HGSNAT: variants seen among roughly 807,000 people sequenced by gnomAD.
HGSNAT encodes the protein transmembrane protein 76.
HGSNAT carries 59 observed loss-of-function variants against 85.2 expected under a neutral mutation model. The ratio of observed to expected loss-of-function variants is 0.69; its 90% confidence interval spans 0.56 to 0.86. The LOEUF is 0.86. HGSNAT is among the 40% of genes least tolerant of loss of function. The pLI, the probability that HGSNAT is intolerant of heterozygous loss-of-function variation, is 0.00. For synonymous variants in HGSNAT, 321 were observed against 304.5 expected (o/e 1.05, Z -0.56); for missense variants, 756 against 777.1 (o/e 0.97, Z 0.32).
chr8:43,195,480 TAGGAGGAGGAGAAGGAAGAGG>T lies in HGSNAT; in HGVS notation c.1465-1456_1465-1436del, dbSNP rs1447118256. 2.8e-5 allele frequency among the ~76,000 whole-genome samples: 4 copies of T among 144,822 alleles called. No individual in the cohort carries two copies. In the East Asian group the frequency reaches 6.2e-4, roughly 22 times the overall value. On this transcript the variant is annotated intron_variant, in intron 14 of 17. Coordinates refer to ENST00000379644, the MANE Select transcript of HGSNAT (RefSeq NM_152419.3). ...TCATCTTCATGTTGAGTATGAGTAG[TAGGAGGAGGAGAAGGAAGAGG>T]AGGAGGAGGAGGAGGAAGAAGAGGA...
chr8:43,152,754 A>G (rs1043628553), intron 2 of HGSNAT, among the ~76,000 whole-genome samples: 1 of 152,104 alleles, frequency 6.6e-6, no homozygotes, highest in Non-Finnish European at 1.5e-5. Context: ...ACAGATCTGG[A>G]TGAAAATGAT....
Position 43,140,583 on chromosome 8 carries a change from G to T in HGSNAT, c.87G>T (p.Ser29=). Residue 29 remains serine (S), a synonymous_variant, in exon 1 of 18, where the codon TCG becomes TCT. Coordinates refer to ENST00000379644, the MANE Select transcript of HGSNAT (RefSeq NM_152419.3). ...CGCTGCTGGCCCCCGGCGGCTCTTC[G>T]GGGCGCGATGCCCAGGCCGCGCCGC... ...SAALLAPGGS[S]GRDAQAAPPR... 2 of 1,232,120 alleles carry T rather than the reference G, an allele frequency of 1.6e-6. No individual in the cohort carries two copies. Among genetic ancestry groups the T allele is most frequent in the Non-Finnish European group, 2.0e-6 (2 of 979,790 alleles). The allele number at this position is 1,232,120 out of a possible 1,614,324, so 76.3% of individuals were successfully genotyped here. A position where few individuals can be genotyped will look rare whatever the true frequency, so the allele number is the denominator to read the frequency against.
chr8:43,173,315 T>C, intron 8 of HGSNAT, among the ~76,000 whole-genome samples: 1 of 144,646 alleles, frequency 6.9e-6, no homozygotes, highest in Non-Finnish European at 1.5e-5. Context: ...TTTCTTTTTC[T>C]TTTTTTTTTT....
intron 2 of HGSNAT, among the ~76,000 whole-genome samples, chr8:43,156,071 C>A (rs571160859): frequency 4.9e-4 from 75 of 152,188 alleles, no homozygotes; most frequent in Non-Finnish European, 8.7e-4. Context: ...AATTCCTGAC[C>A]TCAGGTGATC....
At chr8:43,154,770 G>A (rs534454242) in intron 2 of HGSNAT, among the ~76,000 whole-genome samples, 6 of 152,258 alleles carry the variant, frequency 3.9e-5, no homozygotes, top group East Asian at 1.9e-4. Flanking sequence ...TCGCCACACC[G>A]ACTTCCACAG....
intron 11 of HGSNAT, 64 bp from the exon 12 acceptor site, chr8:43,191,408 CAT>C (rs1379431236): frequency 6.4e-7 from 1 of 1,565,186 alleles, no homozygotes; most frequent in Non-Finnish European, 8.7e-7. Flanking sequence ...TTCCTAAAGA[CAT>C]GTGCTTAGTT....
At chr8:43,194,548 A>C in intron 14 of HGSNAT, 3 of 980,518 alleles carry the variant, frequency 3.1e-6, no homozygotes, top group Non-Finnish European at 3.6e-6. Flanking sequence ...GAGACTGGGT[A>C]ATTCATAAAG....
At chr8:43,151,592 A>T (rs1418540405) in intron 2 of HGSNAT, among the ~76,000 whole-genome samples, 3 of 152,252 alleles carry the variant, frequency 2.0e-5, no homozygotes, top group Non-Finnish European at 4.4e-5. Context: ...ATAAATTAAA[A>T]AAAGCAGGGA....
chr8:43,153,297 A>C (rs1802977675), intron 2 of HGSNAT, among the ~76,000 whole-genome samples: 1 of 152,238 alleles, frequency 6.6e-6, no homozygotes, highest in Non-Finnish European at 1.5e-5. Context: ...AAGAGGATTC[A>C]AGTTAAAAAG....
At chr8:43,170,764 C>A in intron 7 of HGSNAT, 70 bp downstream of exon 7, 1 of 932,650 alleles carries the variant, frequency 1.1e-6, no homozygotes. Flanking sequence ...CATACACACA[C>A]TTTTAGCTTT....
At chr8:43,140,697 C>G (rs1802491518) in intron 1 of HGSNAT, 83 bp downstream of exon 1, 4 of 629,674 alleles carry the variant, frequency 6.4e-6, no homozygotes, top group African/African-American at 6.0e-5. Flanking sequence ...TCTCCGTGCG[C>G]GGCGCCGAGC....
In HGSNAT at chr8:43,192,416, C is replaced by T. The variant is rs1162703363; in HGVS notation, c.1363C>T (p.His455Tyr). 6.2e-7 allele frequency: 1 copy of T among 1,611,050 alleles called. No homozygotes were observed. The highest frequency in any genetic ancestry group is 1.1e-5 in the South Asian group (1 of 90,540). Residue 455 changes from histidine to tyrosine, a missense_variant, in exon 13 of 18, where the codon CAC becomes TAC. Physicochemically the swap from His to Tyr is moderately conservative, Grantham distance 83. Coordinates refer to ENST00000379644, the MANE Select transcript of HGSNAT (RefSeq NM_152419.3). ...LLLGDDHLYQ[H>Y]PSSAVLYHTE... ...GCTGGGAGACGATCACCTTTACCAG[C>T]ACCCATCTTCTGCTGTGAGTGAGAC...
intron 2 of HGSNAT, among the ~76,000 whole-genome samples, chr8:43,155,477 G>A (rs1363290040): frequency 6.6e-6 from 1 of 151,874 alleles, no homozygotes; most frequent in African/African-American, 2.4e-5. Context: ...TTGCTATTGA[G>A]GTGTTTGAGT....
chr8:43,154,030 C>G (rs1803007510), intron 2 of HGSNAT, among the ~76,000 whole-genome samples: 1 of 151,752 alleles, frequency 6.6e-6, no homozygotes, highest in Non-Finnish European at 1.5e-5. Context: ...ATCTCTTTGA[C>G]AAACTGATTT....
intron 2 of HGSNAT, among the ~76,000 whole-genome samples, chr8:43,149,945 G>T (rs964441352): frequency 9.9e-5 from 15 of 151,516 alleles, no homozygotes; most frequent in Non-Finnish European, 1.5e-4. Flanking sequence ...AAAGTAGAAA[G>T]ACCTTTTATT....
chr8:43,141,659 A>G (rs1362682046), intron 1 of HGSNAT, among the ~76,000 whole-genome samples: 1 of 151,740 alleles, frequency 6.6e-6, no homozygotes, highest in Non-Finnish European at 1.5e-5. Context: ...ATGGAGTTCA[A>G]ACGACCCCTC....
At position 43,145,459 on chromosome 8, in the gene HGSNAT, A is replaced by G. The variant is rs192410973; in HGVS notation, c.119-1489A>G. ...AGGGTAAAGTAAGATAAACTTAAAA[A>G]TGAGGGATTGAGGCCCGGCACAGTG... is the stretch of plus-strand genomic sequence containing the variant. On this transcript the variant is annotated intron_variant, in intron 1 of 17. Transcript: ENST00000379644. Among the ~76,000 whole-genome samples the G allele has an allele frequency of 2.0e-5, 3 of 152,298 alleles. No homozygotes were observed. The East Asian group carries it at 5.8e-4, about 29-fold the overall frequency.
chr8:43,151,721 G>GA (rs1433337286), intron 2 of HGSNAT, among the ~76,000 whole-genome samples: 1 of 151,986 alleles, frequency 6.6e-6, no homozygotes, highest in Non-Finnish European at 1.5e-5. Flanking sequence ...CAATTCCTAT[G>GA]AAAAAAATGC....
chr8:43,148,650 C>G (rs898751754), intron 2 of HGSNAT, among the ~76,000 whole-genome samples: 1 of 151,168 alleles, frequency 6.6e-6, no homozygotes, highest in African/African-American at 2.4e-5. Flanking sequence ...ATTACCCGGG[C>G]ATGGTAGCAG....
Sources: gnomAD v4.1 joint callset for allele counts (sites outside exome capture counted in the v4.1 genomes callset) on GRCh38, gnomAD v4.1.1 for gene constraint, MANE v1.5 for transcripts, NCBI Gene and HGNC (gene_info 2026-07-23, HGNC 2026-07-21) for gene names.